RYR2: variants seen among roughly 807,000 people sequenced by gnomAD.
The protein encoded by RYR2 is cardiac muscle ryanodine receptor-calcium release channel.
In RYR2, 227 loss-of-function variants were observed where a neutral mutation model predicts 601.1. That is an observed-to-expected ratio of 0.38 (90% CI 0.34 to 0.42). RYR2 has a LOEUF of 0.42. Ranked by LOEUF, RYR2 falls within the 10% of genes least tolerant of loss-of-function variation. RYR2 has a pLI of 1.00. For missense variants in RYR2, 4,646 were observed against 6,156.5 expected (o/e 0.75, Z 8.21); for synonymous variants, 2,223 against 2,175.1 (o/e 1.02, Z -0.61).
At chr1:237,646,629 A>G (rs1682186318) in intron 48 of RYR2, among the ~76,000 whole-genome samples, 1 of 152,202 alleles carries the variant, frequency 6.6e-6, no homozygotes, top group African/African-American at 2.4e-5. Context: ...TCTTCCTCAG[A>G]CATTTTTATC....
intron 1 of RYR2, among the ~76,000 whole-genome samples, chr1:237,258,921 T>C (rs1485898237): frequency 6.6e-6 from 1 of 152,102 alleles, no homozygotes; most frequent in Non-Finnish European, 1.5e-5. Flanking sequence ...TAGAAAAGCA[T>C]TGATGAAAGT....
intron 1 of RYR2, among the ~76,000 whole-genome samples, chr1:237,088,936 G>A (rs954317248): frequency 2.0e-5 from 3 of 152,078 alleles, no homozygotes; most frequent in African/African-American, 7.2e-5. Context: ...ACCCTTTCTT[G>A]CCTGAGTTTC....
At chr1:237,221,897 T>C (rs974309902) in intron 1 of RYR2, among the ~76,000 whole-genome samples, 7 of 152,176 alleles carry the variant, frequency 4.6e-5, no homozygotes, top group Non-Finnish European at 8.8e-5. Flanking sequence ...CATCATAGTC[T>C]TTCAACTGAA....
intron 2 of RYR2, among the ~76,000 whole-genome samples, chr1:237,320,845 GA>G (rs1453295127): frequency 6.6e-6 from 1 of 152,310 alleles, no homozygotes; most frequent in East Asian, 1.9e-4. Context: ...GAGCTCATGT[GA>G]GGCTACCAGC....
At chr1:237,782,310 T>C (rs1695191207) in intron 89 of RYR2, among the ~76,000 whole-genome samples, 1 of 151,618 alleles carries the variant, frequency 6.6e-6, no homozygotes, top group Admixed American at 6.6e-5. Context: ...ACAAGCTACA[T>C]CTCCATTTTT....
intron 29 of RYR2, among the ~76,000 whole-genome samples, chr1:237,576,513 C>T (rs1367986580): frequency 2.0e-5 from 3 of 152,038 alleles, no homozygotes; most frequent in Non-Finnish European, 4.4e-5. Context: ...GAAAAGAGGC[C>T]TGTGACAAAT....
intron 80 of RYR2, among the ~76,000 whole-genome samples, chr1:237,754,765 A>C (rs1558347531): frequency 6.6e-6 from 1 of 152,248 alleles, no homozygotes; most frequent in Non-Finnish European, 1.5e-5. Context: ...CCTGAAGAGC[A>C]GACGAAAGGG....
intron 1 of RYR2, among the ~76,000 whole-genome samples, chr1:237,092,931 A>G (rs867001124): frequency 9.9e-5 from 15 of 152,118 alleles, no homozygotes; most frequent in African/African-American, 3.1e-4. Flanking sequence ...CTCCCTCCAC[A>G]TGCAGAACCT....
chr1:237,088,571 G>T (rs764229321), intron 1 of RYR2, among the ~76,000 whole-genome samples: 1 of 152,108 alleles, frequency 6.6e-6, no homozygotes, highest in South Asian at 2.1e-4. Context: ...GGTGTTGTAC[G>T]TTTCTTTTTC....
intron 1 of RYR2, among the ~76,000 whole-genome samples, chr1:237,263,578 T>C (rs1364022894): frequency 6.6e-6 from 1 of 152,212 alleles, no homozygotes; most frequent in Non-Finnish European, 1.5e-5. Context: ...CATGGGGAGA[T>C]ACTAAATAAA....
intron 1 of RYR2, among the ~76,000 whole-genome samples, chr1:237,188,319 T>A (rs1485550131): frequency 6.6e-6 from 1 of 152,098 alleles, no homozygotes; most frequent in Non-Finnish European, 1.5e-5. Context: ...GTGGGTTTTG[T>A]TGTCTGGTGT....
At chr1:237,586,657 C>G (rs1376443239) in intron 29 of RYR2, among the ~76,000 whole-genome samples, 2 of 152,156 alleles carry the variant, frequency 1.3e-5, no homozygotes, top group Non-Finnish European at 1.5e-5. Flanking sequence ...CTCCATACTT[C>G]CTTTGCTCCT....
In RYR2 at chr1:237,336,889, A is replaced by T. The variant is rs150559808; in HGVS notation, c.273+5907A>T. Among the ~76,000 whole-genome samples, 396 of 151,816 alleles carry T rather than the reference A, an allele frequency of 2.6e-3. 3 individuals carry two copies. Among genetic ancestry groups the T allele is most frequent in the African/African-American group, 8.8e-3 (363 of 41,410 alleles). On this transcript the variant is annotated intron_variant, in intron 3 of 104. Coordinates refer to ENST00000366574, the MANE Select transcript of RYR2 (RefSeq NM_001035.3). ...ATAAATAAATTAATTAATTAATTAA[A>T]TAAAACACTTGTGTCATTCTTTTTA...
At chr1:237,286,184 C>T (rs1572476774) in intron 2 of RYR2, among the ~76,000 whole-genome samples, 1 of 151,988 alleles carries the variant, frequency 6.6e-6, no homozygotes, top group African/African-American at 2.4e-5. Flanking sequence ...TTAGCACCAC[C>T]TTTGCAGTAT....
chr1:237,642,854 G>A (rs571304835), intron 47 of RYR2, among the ~76,000 whole-genome samples: 1 of 152,156 alleles, frequency 6.6e-6, no homozygotes, highest in Non-Finnish European at 1.5e-5. Flanking sequence ...AATCAGGGTC[G>A]AAGACAGATG....
At chr1:237,306,124 G>C (rs1034973722) in intron 2 of RYR2, among the ~76,000 whole-genome samples, 1 of 152,136 alleles carries the variant, frequency 6.6e-6, no homozygotes, top group Admixed American at 6.5e-5. Flanking sequence ...GACAAACTGA[G>C]AAGAGAAAGA....
intron 2 of RYR2, among the ~76,000 whole-genome samples, chr1:237,277,670 A>C: frequency 6.6e-6 from 1 of 152,128 alleles, no homozygotes; most frequent in Admixed American, 6.5e-5. Context: ...AAATTTAAAA[A>C]TTAGCTGGGT....
At chr1:237,549,919 G>C (rs1482017341) in intron 26 of RYR2, among the ~76,000 whole-genome samples, 1 of 152,138 alleles carries the variant, frequency 6.6e-6, no homozygotes, top group East Asian at 1.9e-4. Context: ...AAGATAGCCT[G>C]TTCACTCTCT....
At chr1:237,122,452 C>T (rs1670897146) in intron 1 of RYR2, among the ~76,000 whole-genome samples, 1 of 152,128 alleles carries the variant, frequency 6.6e-6, no homozygotes, top group African/African-American at 2.4e-5. Flanking sequence ...GAGGTCGAGG[C>T]GGGGGGATCA....
Sources: allele counts gnomAD v4.1 joint callset (sites outside exome capture counted in the v4.1 genomes callset), GRCh38; gene constraint gnomAD v4.1.1; transcripts MANE v1.5; gene names NCBI Gene and HGNC (gene_info 2026-07-23, HGNC 2026-07-21).